Variants in ITGA8 observed in about 807,000 individuals in gnomAD.
The protein encoded by ITGA8 is integrin alpha-8.
A neutral mutation model predicts 142.3 loss-of-function variants in ITGA8; 91 were observed. The ratio of observed to expected loss-of-function variants is 0.64; its 90% CI spans 0.54 to 0.76. The LOEUF is 0.76. Among genes scored for constraint, ITGA8 ranks in the 30% least tolerant of loss-of-function variants. ITGA8 has a pLI of 0.00. For synonymous variants in ITGA8, 505 were observed against 485.2 expected, an observed-to-expected ratio of 1.04 and a Z score of -0.54; for missense variants, 1,406 against 1,327.7, an observed-to-expected ratio of 1.06 and a Z score of -0.92.
intron 13 of ITGA8, among the ~76,000 whole-genome samples, chr10:15,635,918 TACACAC>T (rs4030579): frequency 7.8e-4 from 112 of 143,122 alleles, no homozygotes; most frequent in South Asian, 2.8e-3. Flanking sequence ...TTGCTTATAC[TACACAC>T]ACACACACAC....
At chr10:15,663,875 C>A (rs1048110656) in intron 8 of ITGA8, among the ~76,000 whole-genome samples, 2 of 152,152 alleles carry the variant, frequency 1.3e-5, no homozygotes, top group African/African-American at 2.4e-5. Context: ...CCCAGTCCAA[C>A]AATACTCCTA....
At chr10:15,677,712 TTGTTAA>T in intron 5 of ITGA8, 75 bp from the exon 6 acceptor site, 1 of 1,433,102 alleles carries the variant, frequency 7.0e-7, no homozygotes, top group Non-Finnish European at 9.7e-7. Context: ...TGATAAATTG[TTGTTAA>T]TAAGCATTGC....
intron 2 of ITGA8, among the ~76,000 whole-genome samples, chr10:15,690,715 C>A (rs1834918050): frequency 6.6e-6 from 1 of 152,144 alleles, no homozygotes; most frequent in Non-Finnish European, 1.5e-5. Flanking sequence ...CTCTTGCTAT[C>A]AAAAAGCCTA....
At chr10:15,530,532 C>T (rs9333242) in intron 28 of ITGA8, among the ~76,000 whole-genome samples, 55,181 of 120,754 alleles carry the variant, frequency 0.46, 12,763 homozygotes, top group African/African-American at 0.68. Flanking sequence ...GGCGACAGAG[C>T]GAGACTCTCA....
chr10:15,597,120 G>T, intron 21 of ITGA8, 87 bp downstream of exon 21: 1 of 1,010,566 alleles, frequency 9.9e-7, no homozygotes, highest in Non-Finnish European at 1.6e-6. Flanking sequence ...GTGCTGAGTT[G>T]CTGAGTGGTA....
chr10:15,708,634 C>T lies in ITGA8; in HGVS notation c.343+10132G>A, dbSNP rs561385672. Among the ~76,000 whole-genome samples, 8 of 152,274 alleles carry T rather than the reference C, an allele frequency of 5.3e-5. No individual in the cohort carries two copies. In the East Asian group the frequency reaches 1.5e-3, roughly 29 times the overall value. ...TTCCCAAAGACAATCTGTTTGTGTGCATTTCCTTTCTCATGCTCTTTTAAA... is the reference window on the plus strand; with the variant it reads ...TTCCCAAAGACAATCTGTTTGTGTGTATTTCCTTTCTCATGCTCTTTTAAA... On this transcript the variant is annotated intron_variant, in intron 2 of 29. Coordinates refer to ENST00000378076, the MANE Select transcript of ITGA8 (RefSeq NM_003638.3).
intron 27 of ITGA8, among the ~76,000 whole-genome samples, chr10:15,541,310 T>C (rs1230436005): frequency 6.6e-6 from 1 of 152,256 alleles, no homozygotes; most frequent in Non-Finnish European, 1.5e-5. Context: ...AGAATGCTCA[T>C]GGGCTAAGCC....
intron 28 of ITGA8, among the ~76,000 whole-genome samples, chr10:15,529,910 T>C (rs970198356): frequency 6.6e-6 from 1 of 152,230 alleles, no homozygotes; most frequent in African/African-American, 2.4e-5. Flanking sequence ...TCTGTAGTTC[T>C]AAGAACCTCC....
At chr10:15,705,247 C>T (rs1835236877) in intron 2 of ITGA8, among the ~76,000 whole-genome samples, 1 of 152,186 alleles carries the variant, frequency 6.6e-6, no homozygotes, top group Admixed American at 6.5e-5. Context: ...CTCCACTTTG[C>T]CATTCTGCCA....
At chr10:15,543,745 T>C (rs1014245680) in intron 27 of ITGA8, among the ~76,000 whole-genome samples, 1 of 152,232 alleles carries the variant, frequency 6.6e-6, no homozygotes, top group African/African-American at 2.4e-5. Flanking sequence ...AATAATGTCT[T>C]ACCCAAATTC....
intron 20 of ITGA8, among the ~76,000 whole-genome samples, chr10:15,599,652 G>A (rs993657873): frequency 2.6e-5 from 4 of 152,046 alleles, no homozygotes; most frequent in Non-Finnish European, 4.4e-5. Flanking sequence ...CAGACATGGT[G>A]GCTGATATCT....
intron 12 of ITGA8, among the ~76,000 whole-genome samples, chr10:15,645,500 T>C (rs1352396222): frequency 4.6e-5 from 7 of 152,308 alleles, no homozygotes; most frequent in Non-Finnish European, 7.4e-5. Context: ...CACTTAAAGG[T>C]AAGCTTGTCT....
intron 27 of ITGA8, among the ~76,000 whole-genome samples, chr10:15,540,111 A>G (rs906124420): frequency 2.7e-4 from 41 of 152,196 alleles, no homozygotes; most frequent in Non-Finnish European, 3.4e-4. Flanking sequence ...AGTCTCAGGT[A>G]TGTTTTCATT....
At chr10:15,609,898 A>T (rs943216714) in intron 15 of ITGA8, among the ~76,000 whole-genome samples, 9 of 152,208 alleles carry the variant, frequency 5.9e-5, no homozygotes. Context: ...AAAATAACTA[A>T]TTTTTAAAAA....
intron 2 of ITGA8, 126 bp from the exon 3 acceptor site, chr10:15,688,164 T>C (rs191645608): frequency 1.2e-5 from 8 of 673,016 alleles, no homozygotes; most frequent in Non-Finnish European, 2.1e-5. Flanking sequence ...TCCAAAAAAA[T>C]TGAAAAGAGG....
chr10:15,617,373 T>G (rs768287485), intron 13 of ITGA8, among the ~76,000 whole-genome samples: 4 of 151,022 alleles, frequency 2.6e-5, no homozygotes, highest in Non-Finnish European at 5.9e-5. Flanking sequence ...TTTAGGTGAT[T>G]GGCTAACATA....
At chr10:15,707,249 T>C (rs545962407) in intron 2 of ITGA8, among the ~76,000 whole-genome samples, 1 of 152,310 alleles carries the variant, frequency 6.6e-6, no homozygotes, top group South Asian at 2.1e-4. Flanking sequence ...TGGTACATTA[T>C]CTTGGATCAT....
At chr10:15,635,996 T>C (rs1833766782) in intron 13 of ITGA8, among the ~76,000 whole-genome samples, 1 of 151,660 alleles carries the variant, frequency 6.6e-6, no homozygotes, top group Non-Finnish European at 1.5e-5. Context: ...TTTTATTTCA[T>C]TGAGTGTAAT....
intron 22 of ITGA8, among the ~76,000 whole-genome samples, chr10:15,589,233 T>G (rs1832882107): frequency 6.6e-6 from 1 of 152,202 alleles, no homozygotes; most frequent in Non-Finnish European, 1.5e-5. Flanking sequence ...CCTTACTATT[T>G]CCTATTTCCT....
Sources: gnomAD v4.1 joint callset for allele counts (sites outside exome capture counted in the v4.1 genomes callset) on GRCh38, gnomAD v4.1.1 for gene constraint, MANE v1.5 for transcripts, NCBI Gene and HGNC (gene_info 2026-07-23, HGNC 2026-07-21) for gene names.